PLD1: variants seen among roughly 807,000 people sequenced by gnomAD.
PLD1 encodes phospholipase D1.
PLD1 carries 112 observed loss-of-function variants against 137.1 expected under a neutral mutation model. The observed-to-expected ratio is 0.82, with a 90% CI of 0.70 to 0.96. The LOEUF (loss-of-function observed/expected upper bound fraction) is 0.96, where lower values mean the gene tolerates loss of function less well. Ranked by LOEUF, PLD1 falls within the 40% of genes least tolerant of loss-of-function variation. The pLI, the probability that PLD1 is intolerant of heterozygous loss-of-function variation, is 0.00. For missense variants in PLD1, 1,321 were observed against 1,342.0 expected, an observed-to-expected ratio of 0.98 and a Z score of 0.24; for synonymous variants, 431 against 454.7, an observed-to-expected ratio of 0.95 and a Z score of 0.66.
chr3:171,750,923 C>T (rs983166279), intron 1 of PLD1, among the ~76,000 whole-genome samples: 8 of 151,798 alleles, frequency 5.3e-5, no homozygotes, highest in South Asian at 2.1e-4. Context: ...ATAATTATTA[C>T]GAACCTGAAA....
chr3:171,806,813 TACTC>T (rs1376197490), intron 1 of PLD1, among the ~76,000 whole-genome samples: 2 of 152,246 alleles, frequency 1.3e-5, no homozygotes, highest in African/African-American at 2.4e-5. Flanking sequence ...TTCTGATAGA[TACTC>T]AGGAGAGGAA....
At chr3:171,652,145 G>A (rs775773423) in intron 21 of PLD1, among the ~76,000 whole-genome samples, 2 of 152,096 alleles carry the variant, frequency 1.3e-5, no homozygotes, top group Non-Finnish European at 2.9e-5. Flanking sequence ...CAGGCGCGGT[G>A]GCTCATGCCT....
chr3:171,674,001 C>A (rs1713066831), intron 19 of PLD1, among the ~76,000 whole-genome samples: 1 of 152,148 alleles, frequency 6.6e-6, no homozygotes. Flanking sequence ...CCCACTAGGT[C>A]TGAATTTTCT....
intron 1 of PLD1, among the ~76,000 whole-genome samples, chr3:171,766,678 T>A (rs1721997471): frequency 6.6e-6 from 1 of 152,214 alleles, no homozygotes; most frequent in Non-Finnish European, 1.5e-5. Context: ...TCAATTAACA[T>A]TTTTATACTT....
At chr3:171,606,634 T>C (rs910471657) in intron 25 of PLD1, among the ~76,000 whole-genome samples, 1 of 152,116 alleles carries the variant, frequency 6.6e-6, no homozygotes. Context: ...CAGATAAGAA[T>C]TGACCACCGG....
At chr3:171,711,517 A>T (rs900551231) in intron 9 of PLD1, among the ~76,000 whole-genome samples, 1 of 152,038 alleles carries the variant, frequency 6.6e-6, no homozygotes, top group Non-Finnish European at 1.5e-5. Flanking sequence ...TATTGATACC[A>T]GAAAAAAAAG....
chr3:171,629,111 C>T (rs1476827238), intron 23 of PLD1, among the ~76,000 whole-genome samples: 2 of 150,826 alleles, frequency 1.3e-5, no homozygotes, highest in Non-Finnish European at 3.0e-5. Flanking sequence ...ATCTAGAAAA[C>T]CCCATTGTCT....
chr3:171,622,249 T>C (rs1359438468), intron 23 of PLD1, among the ~76,000 whole-genome samples: 1 of 152,204 alleles, frequency 6.6e-6, no homozygotes, highest in Non-Finnish European at 1.5e-5. Flanking sequence ...GTTCTCAGCA[T>C]GCACAAAGAC....
At chr3:171,674,904 C>T (rs569574961) in intron 18 of PLD1, among the ~76,000 whole-genome samples, 5 of 137,270 alleles carry the variant, frequency 3.6e-5, no homozygotes, top group African/African-American at 5.5e-5. Flanking sequence ...ACTTGAACCT[C>T]GGAGGCAGAG....
chr3:171,792,781 CA>C, intron 1 of PLD1: 1 of 442,106 alleles, frequency 2.3e-6, no homozygotes, highest in South Asian at 1.6e-5. Flanking sequence ...CCCAGATTTG[CA>C]AACTTGAAAA....
At chr3:171,609,932 T>A (rs73883008) in intron 25 of PLD1, among the ~76,000 whole-genome samples, 5,663 of 152,202 alleles carry the variant, frequency 0.037, 363 homozygotes, top group African/African-American at 0.13. Flanking sequence ...AAACCTTCCA[T>A]CGTAATGGGC....
At position 171,645,031 on chromosome 3, in the gene PLD1, G is replaced by C; in HGVS notation, c.2430-8C>G. The C allele has an allele frequency of 6.4e-7, 1 of 1,558,188 alleles. No homozygotes were observed. The highest frequency in any genetic ancestry group is 8.9e-7 in the Non-Finnish European group (1 of 1,129,016). The stretch of plus-strand genomic sequence containing the variant: ...CGGTATTTCTGGTTTTCCCTGCAAA[G>C]GTCAGATGCAGAGAAATTCACCCAA... On this transcript the variant is annotated splice_polypyrimidine_tract_variant and splice_region_variant and intron_variant, in intron 21 of 26. Transcript: ENST00000351298.
chr3:171,655,366 T>C (rs1050753684), intron 21 of PLD1, among the ~76,000 whole-genome samples: 1 of 152,086 alleles, frequency 6.6e-6, no homozygotes, highest in Non-Finnish European at 1.5e-5. Context: ...ATTTTTTATT[T>C]ATTTATTTTT....
At chr3:171,604,113 C>T (rs531716063) in intron 26 of PLD1, among the ~76,000 whole-genome samples, 7 of 151,814 alleles carry the variant, frequency 4.6e-5, no homozygotes, top group Admixed American at 1.3e-4. Flanking sequence ...CCAAGGCAGG[C>T]GGATCACTTG....
At chr3:171,705,297 C>G (rs1716593868) in intron 11 of PLD1, among the ~76,000 whole-genome samples, 1 of 152,162 alleles carries the variant, frequency 6.6e-6, no homozygotes, top group Non-Finnish European at 1.5e-5. Context: ...ACTACAGATT[C>G]AGGAAGCTCA....
At chr3:171,668,361 T>C (rs924668340) in intron 19 of PLD1, among the ~76,000 whole-genome samples, 3 of 152,202 alleles carry the variant, frequency 2.0e-5, no homozygotes, top group African/African-American at 7.2e-5. Flanking sequence ...TCACTTTATT[T>C]TTCACCTATC....
intron 21 of PLD1, among the ~76,000 whole-genome samples, chr3:171,648,502 A>AT (rs1322755935): frequency 4.6e-5 from 7 of 151,880 alleles, no homozygotes; most frequent in Non-Finnish European, 1.0e-4. Flanking sequence ...TCTGAACATG[A>AT]TTTTTATCAT....
Position 171,601,516 on chromosome 3 carries a change from T to C in PLD1, c.*1562A>G, listed in dbSNP as rs958680062. 1 of 142,982 alleles carries C rather than the reference T, an allele frequency of 7.0e-6. No individual in the cohort carries two copies. The highest frequency in any genetic ancestry group is 2.9e-5 in the African/African-American group (1 of 34,028). 8.9% of individuals were successfully genotyped at this position (142,982 alleles called of 1,614,324 possible). ...CTTATAAAAACATTCATTTTTATTA[T>C]TGGTTACAAAATCTCACCTTATTTG... On this transcript the variant is annotated 3_prime_UTR_variant, in exon 27 of 27. Coordinates refer to ENST00000351298, the MANE Select transcript of PLD1 (RefSeq NM_002662.5).
chr3:171,750,571 A>C (rs1720582644), intron 1 of PLD1, among the ~76,000 whole-genome samples: 1 of 152,198 alleles, frequency 6.6e-6, no homozygotes, highest in Non-Finnish European at 1.5e-5. Context: ...ACAGGAATAA[A>C]TGCAAAGAAA....
Sources: allele counts gnomAD v4.1 joint callset (sites outside exome capture counted in the v4.1 genomes callset), GRCh38; gene constraint gnomAD v4.1.1; transcripts MANE v1.5; gene names NCBI Gene and HGNC (gene_info 2026-07-23, HGNC 2026-07-21).